Variants in OR2L13 observed in about 807,000 individuals in gnomAD.
The protein encoded by OR2L13 is olfactory receptor 2L13.
In OR2L13, 14 loss-of-function variants were observed where a neutral mutation model predicts 15.3. The ratio of observed to expected loss-of-function variants is 0.91; its 90% CI spans 0.60 to 1.43. OR2L13 has a LOEUF of 1.43. Among genes scored for constraint, OR2L13 ranks in the 40% most tolerant of loss-of-function variants. The pLI is 0.00. For synonymous variants in OR2L13, 152 were observed against 142.9 expected, an observed-to-expected ratio of 1.06 and a Z score of -0.45; for missense variants, 367 against 387.9, an observed-to-expected ratio of 0.95 and a Z score of 0.45.
the OR2L13 span, among the ~76,000 whole-genome samples, chr1:248,050,131 A>G: frequency 0.31 from 47,619 of 152,018 alleles, 13,303 homozygotes; most frequent in African/African-American, 0.75. Flanking sequence ...TGCCTTTCAC[A>G]TGAGACGTAG....
the OR2L13 span, among the ~76,000 whole-genome samples, chr1:247,988,550 G>A: frequency 4.0e-4 from 61 of 152,114 alleles, no homozygotes; most frequent in Admixed American, 5.2e-4. Flanking sequence ...ATGTTTAAGT[G>A]AGTGTACATC....
chr1:248,080,438 C>G, the OR2L13 span, among the ~76,000 whole-genome samples: 1 of 152,138 alleles, frequency 6.6e-6, no homozygotes, highest in African/African-American at 2.4e-5. Flanking sequence ...AAACCTCCAC[C>G]TCAAAGAGGC....
At chr1:248,048,246 T>A in the OR2L13 span, among the ~76,000 whole-genome samples, 6,377 of 152,256 alleles carry the variant, frequency 0.042, 438 homozygotes, top group African/African-American at 0.14. Context: ...AAGCAAATAT[T>A]CACTTTATAT....
At chr1:247,963,400 G>T in the OR2L13 span, among the ~76,000 whole-genome samples, 3 of 152,128 alleles carry the variant, frequency 2.0e-5, no homozygotes, top group Non-Finnish European at 2.9e-5. Context: ...CACCAGAGGT[G>T]GCTTTCATTG....
chr1:247,947,175 A>G, the OR2L13 span, among the ~76,000 whole-genome samples: 1 of 152,244 alleles, frequency 6.6e-6, no homozygotes, highest in Non-Finnish European at 1.5e-5. Flanking sequence ...ACATCCTTTC[A>G]TATAGCAAAT....
the OR2L13 span, among the ~76,000 whole-genome samples, chr1:247,974,130 G>T: frequency 6.6e-6 from 1 of 152,182 alleles, no homozygotes; most frequent in African/African-American, 2.4e-5. Context: ...CCTTTGCAGG[G>T]ACATGGATGA....
the OR2L13 span, among the ~76,000 whole-genome samples, chr1:248,086,418 T>C: frequency 6.6e-6 from 1 of 152,184 alleles, no homozygotes; most frequent in African/African-American, 2.4e-5. Flanking sequence ...TAAATAAACC[T>C]GTATTATGCT....
At chr1:248,070,140 A>G in the OR2L13 span, among the ~76,000 whole-genome samples, 2 of 152,228 alleles carry the variant, frequency 1.3e-5, no homozygotes, top group Admixed American at 6.5e-5. Context: ...AGACATCTAC[A>G]GAACTCTCCA....
chr1:248,076,444 C>T, the OR2L13 span, among the ~76,000 whole-genome samples: 3 of 152,142 alleles, frequency 2.0e-5, no homozygotes, highest in East Asian at 5.8e-4. Flanking sequence ...GGCAGTATGG[C>T]CATTTTCATG....
chr1:248,054,951 C>T, the OR2L13 span, among the ~76,000 whole-genome samples: 114 of 152,188 alleles, frequency 7.5e-4, no homozygotes, highest in African/African-American at 2.7e-3. Flanking sequence ...GATTGATTGC[C>T]CTGGTCATAC....
the OR2L13 span, among the ~76,000 whole-genome samples, chr1:248,029,828 G>A: frequency 1.4e-4 from 21 of 152,134 alleles, no homozygotes; most frequent in Non-Finnish European, 2.2e-4. Context: ...GACATAATGT[G>A]AATAAATATG....
the OR2L13 span, chr1:247,991,279 A>G: frequency 3.4e-5 from 31 of 905,508 alleles, 5 homozygotes; most frequent in East Asian, 8.5e-4. Context: ...TAAGGAAAAT[A>G]TTATTACATG....
chr1:248,053,476 G>C, the OR2L13 span, among the ~76,000 whole-genome samples: 2 of 152,142 alleles, frequency 1.3e-5, no homozygotes, highest in Non-Finnish European at 2.9e-5. Context: ...ACCCAGTAAC[G>C]GGAATGCCGG....
chr1:247,997,640 T>G, the OR2L13 span, among the ~76,000 whole-genome samples: 1 of 152,172 alleles, frequency 6.6e-6, no homozygotes, highest in Non-Finnish European at 1.5e-5. Flanking sequence ...CTATAGAGTT[T>G]CATGAAGTTT....
chr1:248,012,343 C>G, the OR2L13 span, among the ~76,000 whole-genome samples: 1 of 152,140 alleles, frequency 6.6e-6, no homozygotes, highest in Non-Finnish European at 1.5e-5. Context: ...AGACGGCAGA[C>G]TTCCTTTGTT....
At chr1:248,075,935 C>T in the OR2L13 span, among the ~76,000 whole-genome samples, 2 of 152,120 alleles carry the variant, frequency 1.3e-5, no homozygotes, top group Non-Finnish European at 2.9e-5. Flanking sequence ...TGCCTATGTC[C>T]TGAATGGTAT....
the OR2L13 span, among the ~76,000 whole-genome samples, chr1:248,042,486 C>T: frequency 6.6e-6 from 1 of 151,368 alleles, no homozygotes; most frequent in Admixed American, 6.6e-5. Context: ...GCACATGTAC[C>T]CTAAAACTTA....
At chr1:247,979,551 C>T in the OR2L13 span, among the ~76,000 whole-genome samples, 1 of 151,922 alleles carries the variant, frequency 6.6e-6, no homozygotes, top group Admixed American at 6.6e-5. Flanking sequence ...TTTTTTTATC[C>T]AGTCTATTAT....
chr1:248,022,660 C>T, the OR2L13 span: 81 of 1,614,050 alleles, frequency 5.0e-5, no homozygotes, highest in Middle Eastern at 1.7e-4. Context: ...AAGGCCTATT[C>T]GACCTGCAGC....
Sources: allele counts gnomAD v4.1 joint callset (sites outside exome capture counted in the v4.1 genomes callset), GRCh38; gene constraint gnomAD v4.1.1; transcripts MANE v1.5; gene names NCBI Gene and HGNC (gene_info 2026-07-23, HGNC 2026-07-21).